Variants in RYR2 observed in about 807,000 individuals in gnomAD.
The protein encoded by RYR2 is cardiac muscle ryanodine receptor-calcium release channel.
A neutral mutation model predicts 601.1 loss-of-function variants in RYR2; 227 were observed. The ratio of observed to expected loss-of-function variants is 0.38; its 90% confidence interval spans 0.34 to 0.42. The LOEUF (loss-of-function observed/expected upper bound fraction) is 0.42. Ranked by LOEUF, RYR2 falls within the 10% of genes least tolerant of loss-of-function variation. The probability of loss-of-function intolerance (pLI) is 1.00; values close to 1 mark genes in which losing one functional copy is unlikely to be tolerated. For missense variants in RYR2, 4,646 were observed against 6,156.5 expected (o/e 0.75, Z 8.21); for synonymous variants, 2,223 against 2,175.1 (o/e 1.02, Z -0.61).
chr1:237,800,469 T>G (rs566323940), intron 97 of RYR2, among the ~76,000 whole-genome samples: 5 of 152,234 alleles, frequency 3.3e-5, no homozygotes, highest in South Asian at 2.1e-4. Flanking sequence ...GCCTTAACCC[T>G]TAGTGAAAAA....
chr1:237,801,367 C>CAAA (rs71162423), intron 97 of RYR2, among the ~76,000 whole-genome samples: 1,730 of 94,206 alleles, frequency 0.018, 53 homozygotes, highest in African/African-American at 0.062. Flanking sequence ...CCCATCTCTA[C>CAAA]AAAAAAAAAA....
intron 23 of RYR2, 73 bp from the exon 24 acceptor site, chr1:237,511,615 C>A: frequency 8.3e-7 from 1 of 1,197,620 alleles, no homozygotes; most frequent in Non-Finnish European, 1.2e-6. Context: ...CCACTTTCTA[C>A]CACACAGTTG....
chr1:237,205,370 C>A (rs983433154), intron 1 of RYR2, among the ~76,000 whole-genome samples: 6 of 152,204 alleles, frequency 3.9e-5, no homozygotes, highest in African/African-American at 1.2e-4. Flanking sequence ...GCTCTCTCAG[C>A]AGCTGCTGGT....
At chr1:237,628,931 A>G (rs953375719) in intron 41 of RYR2, among the ~76,000 whole-genome samples, 22 of 152,298 alleles carry the variant, frequency 1.4e-4, no homozygotes, top group Non-Finnish European at 3.2e-4. Flanking sequence ...ATTCAGCATC[A>G]TGAGCTTGCA....
intron 21 of RYR2, 63 bp from the exon 22 acceptor site, chr1:237,503,226 G>C (rs554629227): frequency 7.0e-7 from 1 of 1,429,632 alleles, no homozygotes; most frequent in South Asian, 1.3e-5. Context: ...CTAAGATTTT[G>C]TGAATTAGAA....
In RYR2 at chr1:237,610,780, G is replaced by A. The variant is rs1677758037; in HGVS notation, c.4702G>A (p.Ala1568Thr). 6.2e-7 allele frequency: 1 copy of A among 1,606,032 alleles called. No individual in the cohort carries two copies. The highest frequency in any genetic ancestry group is 8.5e-7 in the Non-Finnish European group (1 of 1,176,640). Residue 1568 changes from alanine to threonine, a missense_variant, in exon 36 of 105, where the codon GCG (alanine) becomes ACG (threonine). Ala to Thr is a moderately conservative substitution (Grantham distance 58). Transcript: ENST00000366574. This position sits in a 1 kb window ranked among gnomAD's most constrained non-coding sequence, Gnocchi z 4.9. ...CCGCTAGAATGTGATGCCTCTCTCG[G>A]CGGGATTATTCAAGAGTGAGCACAA... Reference protein sequence around the residue: ...GRIKNVMPLSAGLFKSEHKNP... With the variant: ...GRIKNVMPLSTGLFKSEHKNP...
At chr1:237,349,148 A>G (rs909244772) in intron 3 of RYR2, among the ~76,000 whole-genome samples, 1 of 152,162 alleles carries the variant, frequency 6.6e-6, no homozygotes, top group East Asian at 1.9e-4. Context: ...ATAAAACCAC[A>G]CTGGGTTACC....
intron 96 of RYR2, among the ~76,000 whole-genome samples, 164 bp from the exon 97 acceptor site, chr1:237,797,873 C>T (rs1227359140): frequency 6.6e-6 from 1 of 152,086 alleles, no homozygotes; most frequent in Admixed American, 6.5e-5. Flanking sequence ...TTTGTTTAGA[C>T]CTTAAGCAGT....
At chr1:237,237,686 T>C (rs916358924) in intron 1 of RYR2, among the ~76,000 whole-genome samples, 1 of 152,216 alleles carries the variant, frequency 6.6e-6, no homozygotes, top group African/African-American at 2.4e-5. Context: ...GAAATGGCTC[T>C]GCAAAGCTAC....
At chr1:237,426,486 T>A (rs1477836348) in intron 12 of RYR2, among the ~76,000 whole-genome samples, 1 of 152,118 alleles carries the variant, frequency 6.6e-6, no homozygotes, top group African/African-American at 2.4e-5. Flanking sequence ...ATTTGCTAGT[T>A]TATCTACTGA....
At chr1:237,515,252 G>A (rs528344851) in intron 24 of RYR2, among the ~76,000 whole-genome samples, 74 of 152,210 alleles carry the variant, frequency 4.9e-4, no homozygotes, top group Admixed American at 9.2e-4. Flanking sequence ...ACTATTTTCC[G>A]AATTCCAGAT....
chr1:237,217,060 A>G (rs1273795611), intron 1 of RYR2, among the ~76,000 whole-genome samples: 1 of 152,220 alleles, frequency 6.6e-6, no homozygotes, highest in African/African-American at 2.4e-5. Flanking sequence ...GGGCTCCTAC[A>G]AAATTGGTTA....
At chr1:237,712,504 G>A (rs1299585615) in intron 71 of RYR2, among the ~76,000 whole-genome samples, 2 of 151,932 alleles carry the variant, frequency 1.3e-5, no homozygotes, top group African/African-American at 4.8e-5. Context: ...TCTCCAAGAT[G>A]TCAGAGCAAC....
chr1:237,537,895 C>T (rs1668814687), intron 25 of RYR2, among the ~76,000 whole-genome samples: 1 of 152,072 alleles, frequency 6.6e-6, no homozygotes, highest in Admixed American at 6.5e-5. Flanking sequence ...TAATAATTCT[C>T]TCTGGGGATA....
In RYR2 at chr1:237,471,834, C is replaced by A. The variant is rs151136401; in HGVS notation, c.1708+2647C>A. On this transcript the variant is annotated intron_variant, in intron 17 of 104. Coordinates refer to ENST00000366574, the MANE Select transcript of RYR2 (RefSeq NM_001035.3). ...AGGGAAGCCCTGTGCTCAGAGATAA[C>A]ATAATGAAAGTCAAGGGAAAGAAGG... Among the ~76,000 whole-genome samples the A allele has an allele frequency of 2.0e-3, 299 of 151,242 alleles. 2 individuals are homozygous for A. The highest frequency in any genetic ancestry group is 6.9e-3 in the African/African-American group (279 of 40,582).
At chr1:237,200,409 C>T (rs1173166690) in intron 1 of RYR2, among the ~76,000 whole-genome samples, 1 of 152,006 alleles carries the variant, frequency 6.6e-6, no homozygotes, top group African/African-American at 2.4e-5. Context: ...GGATTACAGG[C>T]GCCCACCACC....
intron 1 of RYR2, among the ~76,000 whole-genome samples, chr1:237,128,191 T>C (rs943455555): frequency 2.6e-5 from 4 of 152,122 alleles, no homozygotes; most frequent in Admixed American, 6.5e-5. Flanking sequence ...GAGACCGGCC[T>C]GGCCAACACA....
chr1:237,727,560 A>G (rs1472567445), intron 76 of RYR2, among the ~76,000 whole-genome samples: 1 of 152,064 alleles, frequency 6.6e-6, no homozygotes, highest in African/African-American at 2.4e-5. Context: ...GCCCCATGAC[A>G]TTGGTCAAGT....
intron 1 of RYR2, among the ~76,000 whole-genome samples, chr1:237,128,235 G>A (rs1030650856): frequency 2.8e-4 from 43 of 152,220 alleles, no homozygotes; most frequent in African/African-American, 8.9e-4. Flanking sequence ...CCAGTCAGGC[G>A]TGGCGGCACG....
Sources: allele counts gnomAD v4.1 joint callset (sites outside exome capture counted in the v4.1 genomes callset), GRCh38; gene constraint gnomAD v4.1.1; non-coding constraint Gnocchi (gnomAD v3.1); transcripts MANE v1.5; gene names NCBI Gene and HGNC (gene_info 2026-07-23, HGNC 2026-07-21).